PLSCR2: variants seen among roughly 807,000 people sequenced by gnomAD.
PLSCR2 encodes the protein phospholipid scramblase 2, also known as PL scramblase 2.
In PLSCR2, 18 loss-of-function variants were observed where a neutral mutation model predicts 25.3. The observed-to-expected ratio is 0.71, with a 90% CI of 0.49 to 1.06. The LOEUF is 1.06. Ranked by LOEUF, PLSCR2 falls within the 50% of genes least tolerant of loss-of-function variation. The pLI is 0.00. For synonymous variants in PLSCR2, 88 were observed against 87.3 expected (o/e 1.01, Z -0.04); for missense variants, 243 against 269.5 (o/e 0.90, Z 0.69).
chr3:146,488,916 C>G (rs1262806580), intron 1 of PLSCR2, among the ~76,000 whole-genome samples: 1 of 151,974 alleles, frequency 6.6e-6, no homozygotes, highest in Non-Finnish European at 1.5e-5. Context: ...TGGAATCAAC[C>G]CAAATGCTCA....
chr3:146,430,261 C>A (rs2039500331), downstream of PLSCR2, among the ~76,000 whole-genome samples: 1 of 152,052 alleles, frequency 6.6e-6, no homozygotes, highest in African/African-American at 2.4e-5. Flanking sequence ...CACAAACAGA[C>A]TAATACAGGT....
intron 2 of PLSCR2, among the ~76,000 whole-genome samples, chr3:146,397,557 T>C (rs571633377): frequency 6.6e-5 from 10 of 152,266 alleles, no homozygotes; most frequent in Admixed American, 2.6e-4. Context: ...TTTCCCTTTC[T>C]TGCTCCTCTT....
chr3:146,400,190 G>C (rs893154591), intron 2 of PLSCR2, among the ~76,000 whole-genome samples: 6 of 151,610 alleles, frequency 4.0e-5, no homozygotes, highest in Admixed American at 6.6e-5. Context: ...GACAAAGGAA[G>C]AAGTAAAATC....
chr3:146,461,967 A>T (rs1329647559), upstream of PLSCR2: 2 of 1,350,196 alleles, frequency 1.5e-6, no homozygotes, highest in Non-Finnish European at 2.0e-6. Context: ...CTAAAAAAAA[A>T]AATGACAAAG....
downstream of PLSCR2, among the ~76,000 whole-genome samples, chr3:146,432,515 A>C (rs1360373836): frequency 2.0e-5 from 3 of 152,194 alleles, no homozygotes; most frequent in African/African-American, 7.2e-5. Context: ...GAATGAGCCT[A>C]AGACACCATA....
Position 146,454,244 on chromosome 3 carries a change from T to C in PLSCR2, c.322-81A>G. ...TAATAGCTCTAATTTACTGAGCATTTCCTAAGTGCCAGACATTGTAAGTGA... is the reference window on the plus strand; with the variant it reads ...TAATAGCTCTAATTTACTGAGCATTCCCTAAGTGCCAGACATTGTAAGTGA... On this transcript the variant is annotated intron_variant, in intron 4 of 6. Coordinates refer to ENST00000610787, the Ensembl canonical transcript of PLSCR2. The C allele has an allele frequency of 6.0e-6, 6 of 1,000,900 alleles. 1 individual carries two copies. In the South Asian group the frequency reaches 1.0e-4, roughly 17 times the overall value. 62.0% of individuals were successfully genotyped at this position (1,000,900 alleles called of 1,614,324 possible). A position where few individuals can be genotyped will look rare whatever the true frequency, so the allele number is the denominator to read the frequency against.
At chr3:146,439,994 G>T (rs1162008971), downstream of PLSCR2, among the ~76,000 whole-genome samples, 2 of 152,200 alleles carry the variant, frequency 1.3e-5, no homozygotes, top group African/African-American at 4.8e-5. Flanking sequence ...CCTTCTAACA[G>T]TCAGGACCTT....
At chr3:146,483,446 C>CGT (rs1207029796) in intron 1 of PLSCR2, among the ~76,000 whole-genome samples, 14 of 41,468 alleles carry the variant, frequency 3.4e-4, no homozygotes, top group African/African-American at 1.4e-3. Flanking sequence ...TATATATACA[C>CGT]ATGTATGTAT....
intron 6 of PLSCR2, among the ~76,000 whole-genome samples, chr3:146,447,795 C>T (rs897378162): frequency 6.6e-6 from 1 of 152,094 alleles, no homozygotes; most frequent in Non-Finnish European, 1.5e-5. Flanking sequence ...GCTTAGAGTG[C>T]CTTTCAAGTT....
In PLSCR2 at chr3:146,458,456, AT is replaced by A; in HGVS notation, c.58-4del. ...TGATGAATTAGTATCATATCTATCT[AT>A]TATAGTAAAAAGAAAATGAAGTTGT... On this transcript the variant is annotated splice_polypyrimidine_tract_variant and splice_region_variant and intron_variant, in intron 2 of 6. Transcript: ENST00000610787. The A allele has an allele frequency of 6.9e-7, 1 of 1,447,314 alleles. No individual in the cohort carries two copies. Among genetic ancestry groups the A allele is most frequent in the Non-Finnish European group, 9.3e-7 (1 of 1,073,254 alleles). 89.7% of individuals were successfully genotyped at this position (1,447,314 alleles called of 1,614,324 possible).
chr3:146,411,442 C>T (rs2038844341), intron 2 of PLSCR2, among the ~76,000 whole-genome samples: 1 of 152,198 alleles, frequency 6.6e-6, no homozygotes, highest in Non-Finnish European at 1.5e-5. Flanking sequence ...TTTTAGGGCA[C>T]CCACACCGTA....
rs756839988 is a variant in PLSCR2 at position 146,454,155 on chromosome 3, G to T, written c.330C>A (p.Ile110=). The T allele has an allele frequency of 1.1e-5, 18 of 1,581,332 alleles. No homozygotes were observed. The Middle Eastern group carries it at 1.7e-3, about 147-fold the overall frequency. The stretch of plus-strand genomic sequence containing the variant: ...CTACTGGTACACCAGGAGGAGCTTG[G>T]ATTTCTATCTACAAAAGTAAAATAT... The change falls in exon 5 of 7, where the codon ATC becomes ATA. Residue 110 remains isoleucine (I), a synonymous_variant. Coordinates refer to ENST00000610787, the Ensembl canonical transcript of PLSCR2.
chr3:146,449,376 C>T lies in PLSCR2; in HGVS notation c.484-9G>A. On this transcript the variant is annotated splice_polypyrimidine_tract_variant and intron_variant, in intron 5 of 6. Coordinates refer to ENST00000610787, the Ensembl canonical transcript of PLSCR2. ...TCATCAAGAGATGTAATCTAAATTG[C>T]AAAAAAAAAAAAAACTTAAAAATTT... The T allele has an allele frequency of 8.0e-7, 1 of 1,255,076 alleles. No homozygotes were observed. The highest frequency in any genetic ancestry group is 2.7e-5 in the Admixed American group (1 of 37,038). 77.7% of individuals were successfully genotyped at this position (1,255,076 alleles called of 1,614,324 possible).
intron 6 of PLSCR2, among the ~76,000 whole-genome samples, chr3:146,445,879 G>T (rs2040525105): frequency 6.6e-6 from 1 of 151,798 alleles, no homozygotes; most frequent in African/African-American, 2.4e-5. Flanking sequence ...CAAATATCCT[G>T]TCTTTAAGCC....
At chr3:146,464,953 A>G (rs763458365), upstream of PLSCR2, among the ~76,000 whole-genome samples, 4 of 152,186 alleles carry the variant, frequency 2.6e-5, no homozygotes, top group Admixed American at 6.5e-5. Flanking sequence ...CTCCTGCACT[A>G]GGCTTCAACA....
chr3:146,493,377 C>A (rs1007804437), intron 1 of PLSCR2, among the ~76,000 whole-genome samples: 4 of 152,032 alleles, frequency 2.6e-5, no homozygotes, highest in Non-Finnish European at 4.4e-5. Context: ...TGTTGTAAAA[C>A]CCCTCAACAA....
upstream of PLSCR2, chr3:146,463,819 G>T (rs1576691342): frequency 1.0e-6 from 1 of 962,936 alleles, no homozygotes; most frequent in African/African-American, 1.8e-5. Flanking sequence ...TTCTCAAGAA[G>T]AAACCACCTC....
chr3:146,486,557 C>T (rs1311681600), intron 1 of PLSCR2, among the ~76,000 whole-genome samples: 2 of 151,952 alleles, frequency 1.3e-5, no homozygotes, highest in Non-Finnish European at 2.9e-5. Flanking sequence ...TACAAATAAA[C>T]TAGAAAATAT....
intron 5 of PLSCR2, among the ~76,000 whole-genome samples, chr3:146,450,684 A>G (rs2040837087): frequency 6.6e-6 from 1 of 152,256 alleles, no homozygotes; most frequent in Admixed American, 6.5e-5. Flanking sequence ...TCATCTAAGC[A>G]TTTGAGACTA....
Sources: gnomAD v4.1 joint callset for allele counts (sites outside exome capture counted in the v4.1 genomes callset) on GRCh38, gnomAD v4.1.1 for gene constraint, MANE v1.5 for transcripts, NCBI Gene and HGNC (gene_info 2026-07-23, HGNC 2026-07-21) for gene names.